DMKN: variants seen among roughly 807,000 people sequenced by gnomAD.
DMKN encodes the protein epidermis-specific secreted protein SK30/SK89.
Under a neutral mutation model 67.6 loss-of-function variants are expected in DMKN, and 58 were observed. The observed-to-expected ratio is 0.86, with a 90% confidence interval of 0.69 to 1.07. The LOEUF is 1.07. DMKN is among the 50% of genes least tolerant of loss of function. DMKN has a pLI of 0.00. For synonymous variants in DMKN, 240 were observed against 232.3 expected, an observed-to-expected ratio of 1.03 and a Z score of -0.30; for missense variants, 596 against 601.5, an observed-to-expected ratio of 0.99 and a Z score of 0.10.
Position 35,511,490 on chromosome 19 carries a change from C to T in DMKN, c.839G>A (p.Gly280Asp), listed in dbSNP as rs148799704. 8.3e-6 allele frequency: 9 copies of T among 1,088,812 alleles called. No homozygotes were observed. Among genetic ancestry groups the T allele is most frequent in the Middle Eastern group, 3.4e-4 (1 of 2,964 alleles). The allele number at this position is 1,088,812 out of a possible 1,614,324, so 67.4% of individuals were successfully genotyped here. A position where few individuals can be genotyped will look rare whatever the true frequency, so the allele number is the denominator to read the frequency against. ...GCCACCACTGCTGCCGCCACTGCTG[C>T]CGCCACTGCTGCTGCCACTGCTGCT... ...GGSSSGSSSG[G>D]SSGGSSGGSS... Residue 280 changes from glycine (G) to aspartate (D), a missense_variant, in exon 5 of 16, where the codon GGC (glycine) becomes GAC (aspartate). Gly to Asp is a moderately conservative substitution (Grantham distance 94). Transcript: ENST00000339686.
chr19:35,498,705 C>G lies in DMKN; in HGVS notation c.*11G>C, dbSNP rs2067858395. 1 of 1,613,946 alleles carries G rather than the reference C, an allele frequency of 6.2e-7. No homozygotes were observed. The highest frequency in any genetic ancestry group is 1.3e-5 in the African/African-American group (1 of 75,036). On this transcript the variant is annotated intron_variant, in intron 15 of 15. Coordinates refer to ENST00000339686, the MANE Select transcript of DMKN (RefSeq NM_033317.5). ...AGGATGTGGCCTGGGTCGGCTCACTCTGACACTCACCTACCAAAACTTCAC... is the reference window on the plus strand; with the variant it reads ...AGGATGTGGCCTGGGTCGGCTCACTGTGACACTCACCTACCAAAACTTCAC...
intron 8 of DMKN, 33 bp from the exon 9 acceptor site, chr19:35,505,798 T>G: frequency 6.2e-7 from 1 of 1,614,144 alleles, no homozygotes; most frequent in East Asian, 2.2e-5. Context: ...AATGGCCAAA[T>G]TGAGTCATAA....
At chr19:35,503,482 T>G (rs3829678) in intron 9 of DMKN, 699,401 of 1,537,792 alleles carry the variant, frequency 0.45, 162,621 homozygotes, top group African/African-American at 0.68. Flanking sequence ...TTGTTTTTTT[T>G]TTTTTTTTTT....
chr19:35,511,505 CCACTGCTGCT>C lies in DMKN; in HGVS notation c.814_823del (p.Ser272AlafsTer102). The C allele has an allele frequency of 9.1e-7, 1 of 1,103,288 alleles. No homozygotes were observed. Among genetic ancestry groups the C allele is most frequent in the Non-Finnish European group, 1.2e-6 (1 of 847,436 alleles). 68.3% of individuals were successfully genotyped at this position (1,103,288 alleles called of 1,614,324 possible). On this transcript the variant is annotated frameshift_variant, in exon 5 of 16. Coordinates refer to ENST00000339686, the MANE Select transcript of DMKN (RefSeq NM_033317.5). LOFTEE classifies it high-confidence loss of function. ...GCCACTGCTGCCGCCACTGCTGCTG[CCACTGCTGCT>C]GCCACCACTGCTGCTGCCATTGTTG...
At chr19:35,510,844 G>C (rs544451970) in intron 5 of DMKN, among the ~76,000 whole-genome samples, 1 of 152,334 alleles carries the variant, frequency 6.6e-6, no homozygotes, top group South Asian at 2.1e-4. Context: ...CCATTGACCA[G>C]GAGGCTGGAG....
At chr19:35,512,818 T>G in intron 1 of DMKN, 28 bp from the exon 2 acceptor site, 2 of 1,605,168 alleles carry the variant, frequency 1.2e-6, no homozygotes, top group Non-Finnish European at 1.7e-6. Flanking sequence ...CTGCACTTAG[T>G]GGGACCATCT....
At chr19:35,510,411 G>T in intron 5 of DMKN, 159 bp from the exon 6 acceptor site, 1 of 1,552,388 alleles carries the variant, frequency 6.4e-7, no homozygotes, top group Non-Finnish European at 8.7e-7. Context: ...GTCGCTGCAG[G>T]AAGTTATTCC....
chr19:35,499,270 T>C (rs2067959946), intron 13 of DMKN: 5 of 300,676 alleles, frequency 1.7e-5, no homozygotes, highest in Admixed American at 9.7e-5. Context: ...TGCATGTCCC[T>C]CCTCTCACCA....
chr19:35,506,528 CCA>C (rs2069560326), intron 7 of DMKN: 1 of 496,960 alleles, frequency 2.0e-6, no homozygotes, highest in South Asian at 1.5e-5. Context: ...GCATCTGTCT[CCA>C]GAGTCTGGAC....
rs757641195 is a variant in DMKN at position 35,513,097 on chromosome 19, C to T, written c.379G>A (p.Ala127Thr). Residue 127 changes from alanine to threonine, a missense_variant, in exon 1 of 16, where the codon GCT becomes ACT. By Grantham distance (58) the Ala-to-Thr change is moderately conservative (BLOSUM62 0). Coordinates refer to ENST00000339686, the MANE Select transcript of DMKN (RefSeq NM_033317.5). ...ACCCCCTGCCAGGAGCCGCGGACAG[C>T]ATCTGCTCCGTGTCGAATGACATCT... ...AEDVIRHGAD[A>T]VRGSWQGVPG... 3.1e-6 allele frequency: 5 copies of T among 1,614,034 alleles called. No homozygotes were observed. Among genetic ancestry groups the T allele is most frequent in the Non-Finnish European group, 4.2e-6 (5 of 1,180,054 alleles).
chr19:35,508,060 TCAGTACTTC>T (rs2069938998), intron 7 of DMKN: 6 of 1,053,996 alleles, frequency 5.7e-6, no homozygotes, highest in Non-Finnish European at 8.3e-6. Flanking sequence ...GCCAGACCCA[TCAGTACTTC>T]CTCGTTCCCA....
rs2068194896 is a variant in DMKN at position 35,500,600 on chromosome 19, A to G, written c.1240-20T>C. 1.2e-6 allele frequency: 2 copies of G among 1,600,994 alleles called. No individual in the cohort carries two copies. The highest frequency in any genetic ancestry group is 1.7e-5 in the Admixed American group (1 of 59,572). On this transcript the variant is annotated intron_variant, in intron 11 of 15. Transcript: ENST00000339686. ...CGCACCCTGAAAGGAAGAAGGGGCC[A>G]CAGTTCGTGCCTCCGCAGTCGTGCG... is the stretch of plus-strand genomic sequence containing the variant.
intron 9 of DMKN, 34 bp downstream of exon 9, chr19:35,505,684 A>G (rs769998012): frequency 6.8e-6 from 11 of 1,613,884 alleles, no homozygotes; most frequent in South Asian, 1.1e-5. Flanking sequence ...TTTCTTCCCT[A>G]TAGCCCTCTC....
intron 6 of DMKN, 72 bp from the exon 7 acceptor site, chr19:35,510,033 AT>A (rs1433505683): frequency 1.2e-6 from 2 of 1,602,396 alleles, no homozygotes; most frequent in African/African-American, 2.7e-5. Flanking sequence ...AAATGGCAGC[AT>A]TTTAACCCTG....
At chr19:35,498,609 T>C in intron 15 of DMKN, 107 bp downstream of exon 15, 2 of 1,481,662 alleles carry the variant, frequency 1.3e-6, no homozygotes, top group Non-Finnish European at 1.8e-6. Context: ...TGACTTCATG[T>C]CGCTGCCCAC....
At position 35,511,532 on chromosome 19, in the gene DMKN, C is replaced by T. The variant is rs1408222539; in HGVS notation, c.797G>A (p.Gly266Asp). 6.3e-7 allele frequency: 1 copy of T among 1,597,434 alleles called. No individual in the cohort carries two copies. Among genetic ancestry groups the T allele is most frequent in the East Asian group, 2.3e-5 (1 of 44,236 alleles). The change falls in exon 5 of 16, where the codon GGC (glycine) becomes GAC (aspartate). Residue 266 changes from glycine (G) to aspartate (D), a missense_variant. Gly to Asp is a moderately conservative substitution (Grantham distance 94). Transcript: ENST00000339686. ...ACTGCTGCTGCCACCACTGCTGCTG[C>T]CATTGTTGTTGTCACCATTGCTGCC... ...GSGSNGDNNN[G>D]SSSGGSSSGS... is the part of the protein sequence containing the mutation.
At position 35,502,375 on chromosome 19, in the gene DMKN, A is replaced by T. The variant is rs368273972; in HGVS notation, c.1192-192T>A. On this transcript the variant is annotated intron_variant, in intron 10 of 15. Coordinates refer to ENST00000339686, the MANE Select transcript of DMKN (RefSeq NM_033317.5). Reference sequence around the variant, plus strand: ...ATGGTATTGGTGATAAGATTTGGTGATAAGATTTGGATGAGCTGTCTCAAA... The same window carrying T: ...ATGGTATTGGTGATAAGATTTGGTGTTAAGATTTGGATGAGCTGTCTCAAA... Among the ~76,000 whole-genome samples the T allele has an allele frequency of 9.2e-5, 14 of 152,134 alleles. No homozygotes were observed. The East Asian group carries it at 2.7e-3, about 29-fold the overall frequency.
intron 11 of DMKN, chr19:35,501,700 A>G (rs1413317146): frequency 1.4e-5 from 14 of 1,023,012 alleles, no homozygotes; most frequent in Non-Finnish European, 1.9e-5. Flanking sequence ...TCCACTAGAC[A>G]GGGACCTGAC....
At position 35,499,811 on chromosome 19, in the gene DMKN, C is replaced by T. The variant is rs893131948; in HGVS notation, c.1359+147G>A. 58 of 778,000 alleles carry T rather than the reference C, an allele frequency of 7.5e-5. No individual in the cohort carries two copies. In the African/African-American group the frequency reaches 7.8e-4, roughly 10 times the overall value. 48.2% of individuals were successfully genotyped at this position (778,000 alleles called of 1,614,324 possible). On this transcript the variant is annotated intron_variant, in intron 13 of 15. Coordinates refer to ENST00000339686, the MANE Select transcript of DMKN (RefSeq NM_033317.5). ...ACTGTCTCAGGGAACCCGAGTCTCC[C>T]TTGCAAAGGGGTGGGGAGGCCTGGA...
Sources: gnomAD v4.1 joint callset for allele counts (sites outside exome capture counted in the v4.1 genomes callset) on GRCh38, gnomAD v4.1.1 for gene constraint, MANE v1.5 for transcripts, NCBI Gene and HGNC (gene_info 2026-07-23, HGNC 2026-07-21) for gene names.